Variants in GRID2 observed in about 807,000 individuals in gnomAD.
GRID2 encodes glutamate ionotropic receptor delta type subunit 2.
A neutral mutation model predicts 114.8 loss-of-function variants in GRID2; 33 were observed. The observed-to-expected ratio is 0.29, with a 90% CI of 0.22 to 0.38. The LOEUF (loss-of-function observed/expected upper bound fraction) is 0.38. Among genes scored for constraint, GRID2 ranks in the 10% least tolerant of loss-of-function variants. The pLI is 1.00. For synonymous variants in GRID2, 505 were observed against 449.9 expected (o/e 1.12, Z -1.55); for missense variants, 1,184 against 1,257.7 (o/e 0.94, Z 0.89).
intron 14 of GRID2, among the ~76,000 whole-genome samples, chr4:93,678,535 C>T (rs6532428): frequency 6.6e-6 from 1 of 151,490 alleles, no homozygotes; most frequent in Non-Finnish European, 1.5e-5. Context: ...GAGAAAGGTC[C>T]GGTTACCCAC....
intron 2 of GRID2, among the ~76,000 whole-genome samples, chr4:92,839,943 T>C (rs1402171376): frequency 6.6e-6 from 1 of 152,054 alleles, no homozygotes; most frequent in Non-Finnish European, 1.5e-5. Context: ...GTTACTGTAT[T>C]GGGACCTATC....
At chr4:93,704,281 G>A (rs987755738) in intron 14 of GRID2, among the ~76,000 whole-genome samples, 3 of 152,148 alleles carry the variant, frequency 2.0e-5, no homozygotes, top group Non-Finnish European at 2.9e-5. Context: ...TCTTTTGGCT[G>A]CATAAATGTC....
At position 92,627,983 on chromosome 4, in the gene GRID2, A is replaced by G. The variant is rs575139781; in HGVS notation, c.244+37697A>G. On this transcript the variant is annotated intron_variant, in intron 2 of 15. Coordinates refer to ENST00000282020, the MANE Select transcript of GRID2 (RefSeq NM_001510.4). ...GTGACACATCATTATATAGTATTGT[A>G]TAGTATTTCCACCATACTAATACAG... Among the ~76,000 whole-genome samples, 490 of 152,288 alleles carry G rather than the reference A, an allele frequency of 3.2e-3. 2 individuals are homozygous for G. The highest frequency in any genetic ancestry group is 0.011 in the African/African-American group (462 of 41,572).
At chr4:92,483,900 A>G (rs1722739438) in intron 1 of GRID2, among the ~76,000 whole-genome samples, 1 of 152,192 alleles carries the variant, frequency 6.6e-6, no homozygotes, top group Non-Finnish European at 1.5e-5. Flanking sequence ...ACATTTTTGA[A>G]GAATTTTAAG....
intron 4 of GRID2, among the ~76,000 whole-genome samples, chr4:93,205,705 T>C (rs952046766): frequency 3.3e-5 from 5 of 152,114 alleles, no homozygotes; most frequent in Non-Finnish European, 5.9e-5. Flanking sequence ...ATGGTATTTC[T>C]AGTTCTAGAC....
intron 2 of GRID2, among the ~76,000 whole-genome samples, chr4:92,858,170 C>T (rs1578324523): frequency 6.6e-6 from 1 of 152,164 alleles, no homozygotes; most frequent in South Asian, 2.1e-4. Flanking sequence ...GTCTTCATAC[C>T]TACTAACACA....
At chr4:92,539,824 T>G (rs982683230) in intron 1 of GRID2, among the ~76,000 whole-genome samples, 4 of 152,094 alleles carry the variant, frequency 2.6e-5, no homozygotes, top group Non-Finnish European at 4.4e-5. Flanking sequence ...AAAATAATTA[T>G]CACTGAAATG....
At chr4:92,415,740 G>GTGTA (rs1459039400) in intron 1 of GRID2, among the ~76,000 whole-genome samples, 338 of 82,152 alleles carry the variant, frequency 4.1e-3, no homozygotes, top group Middle Eastern at 7.9e-3. Flanking sequence ...GTGTATGTGT[G>GTGTA]TATATATATA....
In GRID2 at chr4:93,224,795, G is replaced by A. The variant is rs199766182; in HGVS notation, c.1125+20G>A. The A allele has an allele frequency of 6.5e-7, 1 of 1,546,826 alleles. No homozygotes were observed. The highest frequency in any genetic ancestry group is 1.4e-5 in the African/African-American group (1 of 73,020). On this transcript the variant is annotated intron_variant, in intron 7 of 15. Transcript: ENST00000282020. The stretch of plus-strand genomic sequence containing the variant: ...AAGAAGGTAACTTCTTAATTTTCAT[G>A]TAAAAAGGATATGGTAAATAATTAT...
intron 1 of GRID2, among the ~76,000 whole-genome samples, chr4:92,523,343 A>T (rs1364277197): frequency 6.6e-6 from 1 of 151,994 alleles, no homozygotes; most frequent in Non-Finnish European, 1.5e-5. Context: ...CAACCAGTAG[A>T]CAGTTGTAAA....
intron 2 of GRID2, among the ~76,000 whole-genome samples, chr4:92,841,173 T>C (rs1742863977): frequency 6.6e-6 from 1 of 152,088 alleles, no homozygotes; most frequent in South Asian, 2.1e-4. Context: ...AACAAGTTAA[T>C]TGCAAAATTT....
intron 1 of GRID2, among the ~76,000 whole-genome samples, chr4:92,537,460 CA>C (rs1725699599): frequency 6.6e-6 from 1 of 152,010 alleles, no homozygotes; most frequent in Non-Finnish European, 1.5e-5. Flanking sequence ...TTATAATTAC[CA>C]ATCTTCAATT....
intron 13 of GRID2, among the ~76,000 whole-genome samples, chr4:93,570,240 T>C (rs895071729): frequency 2.0e-5 from 3 of 152,182 alleles, no homozygotes; most frequent in Non-Finnish European, 2.9e-5. Context: ...CTCTTGGTCA[T>C]GTGTTATACT....
chr4:92,449,507 G>A (rs1022781295), intron 1 of GRID2, among the ~76,000 whole-genome samples: 1 of 151,222 alleles, frequency 6.6e-6, no homozygotes, highest in African/African-American at 2.4e-5. Flanking sequence ...TCTAAAATAT[G>A]TCTTTTTGGA....
chr4:93,265,024 G>T (rs1362132398), intron 8 of GRID2, among the ~76,000 whole-genome samples: 1 of 151,610 alleles, frequency 6.6e-6, no homozygotes, highest in African/African-American at 2.4e-5. Context: ...CTCATGATCT[G>T]CCCACCTCAG....
intron 13 of GRID2, among the ~76,000 whole-genome samples, chr4:93,545,338 G>A (rs1453602939): frequency 6.6e-6 from 1 of 152,176 alleles, no homozygotes; most frequent in Admixed American, 6.5e-5. Context: ...ACGTTGTACT[G>A]CTGAATTGGG....
chr4:92,400,292 C>T (rs1229533044), intron 1 of GRID2, among the ~76,000 whole-genome samples: 2 of 152,112 alleles, frequency 1.3e-5, no homozygotes, highest in Non-Finnish European at 2.9e-5. Flanking sequence ...CAGAAACCAC[C>T]AACATACATT....
chr4:93,125,950 TAC>T (rs1734227466), intron 4 of GRID2, among the ~76,000 whole-genome samples: 1 of 152,172 alleles, frequency 6.6e-6, no homozygotes. Flanking sequence ...GTGGCTGTTT[TAC>T]AGAGTTTTAA....
At chr4:93,659,291 T>G (rs1578499255) in intron 14 of GRID2, among the ~76,000 whole-genome samples, 1 of 152,120 alleles carries the variant, frequency 6.6e-6, no homozygotes, top group Non-Finnish European at 1.5e-5. Flanking sequence ...AGGCTGGAGG[T>G]CTCACACTTA....
Sources: gnomAD v4.1 joint callset for allele counts (sites outside exome capture counted in the v4.1 genomes callset) on GRCh38, gnomAD v4.1.1 for gene constraint, MANE v1.5 for transcripts, NCBI Gene and HGNC (gene_info 2026-07-23, HGNC 2026-07-21) for gene names.